Variants in TMEM236 observed in about 807,000 individuals in gnomAD.
TMEM236 encodes family with sequence similarity 23, member A.
Under a neutral mutation model 14.7 loss-of-function variants are expected in TMEM236, and 11 were observed. That is an observed-to-expected ratio of 0.75 (90% confidence interval 0.47 to 1.24). TMEM236 has a LOEUF of 1.24. Among genes scored for constraint, TMEM236 ranks in the 50% most tolerant of loss-of-function variants. TMEM236 has a pLI of 0.00. For missense variants in TMEM236, 464 were observed against 427.3 expected, an observed-to-expected ratio of 1.09 and a Z score of -0.76; for synonymous variants, 182 against 168.6, an observed-to-expected ratio of 1.08 and a Z score of -0.62.
In TMEM236 at chr10:17,798,806, C is replaced by T; in HGVS notation, c.*2302C>T. ...TTAGGAGGGTTAAAGGGTAAAGAGT[C>T]CTTTGAGCACATTTTCTGGCAAACC... On this transcript the variant is annotated 3_prime_UTR_variant, in exon 4 of 4. Transcript: ENST00000377495. The T allele has an allele frequency of 2.4e-6, 1 of 417,438 alleles. No homozygotes were observed. Among genetic ancestry groups the T allele is most frequent in the South Asian group, 1.8e-5 (1 of 55,086 alleles). 25.9% of individuals were successfully genotyped at this position (417,438 alleles called of 1,614,324 possible). A position where few individuals can be genotyped will look rare whatever the true frequency, so the allele number is the denominator to read the frequency against.
At chr10:17,769,577 T>A (rs1205841889) in intron 1 of TMEM236, among the ~76,000 whole-genome samples, 5 of 152,190 alleles carry the variant, frequency 3.3e-5, no homozygotes, top group African/African-American at 1.2e-4. Flanking sequence ...AAGAGAACTT[T>A]ATGAGTGGCT....
In TMEM236 at chr10:17,768,987, G is replaced by T. The variant is rs1837523824; in HGVS notation, c.258-2322G>T. ...TGGCATTAAGTACATTTACATTGTT[G>T]TGTGACTGTTGCCACCATCCATCCA... is the stretch of plus-strand genomic sequence containing the variant. On this transcript the variant is annotated intron_variant, in intron 1 of 3. Transcript: ENST00000377495. Among the ~76,000 whole-genome samples, 5 of 152,032 alleles carry T rather than the reference G, an allele frequency of 3.3e-5. No homozygotes were observed. In the South Asian group the frequency reaches 1.0e-3, roughly 32 times the overall value.
intron 3 of TMEM236, among the ~76,000 whole-genome samples, chr10:17,794,147 C>G (rs1298794282): frequency 6.6e-6 from 1 of 152,170 alleles, no homozygotes; most frequent in Non-Finnish European, 1.5e-5. Flanking sequence ...TTTAAACAAA[C>G]TCCTACTTAC....
chr10:17,780,669 G>A (rs1837731172), intron 3 of TMEM236, among the ~76,000 whole-genome samples: 1 of 152,172 alleles, frequency 6.6e-6, no homozygotes, highest in Admixed American at 6.5e-5. Flanking sequence ...TGTTTGGGAA[G>A]TGAAAATGAA....
intron 1 of TMEM236, among the ~76,000 whole-genome samples, chr10:17,764,310 C>G (rs1422178490): frequency 6.6e-6 from 1 of 152,034 alleles, no homozygotes; most frequent in Admixed American, 6.6e-5. Flanking sequence ...CTAGGAGGGT[C>G]CCTCTCATTG....
chr10:17,766,446 A>G (rs1422398190), intron 1 of TMEM236, among the ~76,000 whole-genome samples: 3 of 152,180 alleles, frequency 2.0e-5, no homozygotes, highest in African/African-American at 7.2e-5. Context: ...ATGACAATGT[A>G]TCTACTCTCT....
chr10:17,766,065 G>C (rs1837457768), intron 1 of TMEM236, among the ~76,000 whole-genome samples: 1 of 152,176 alleles, frequency 6.6e-6, no homozygotes, highest in African/African-American at 2.4e-5. Context: ...GTTCTCTTCT[G>C]AGCATAGTTT....
intron 3 of TMEM236, among the ~76,000 whole-genome samples, chr10:17,792,399 T>G (rs1837940786): frequency 6.6e-6 from 1 of 152,246 alleles, no homozygotes; most frequent in South Asian, 2.1e-4. Context: ...TGTTTTTATT[T>G]AGATAACATA....
At chr10:17,772,510 A>G (rs1203988935) in intron 2 of TMEM236, among the ~76,000 whole-genome samples, 2 of 152,242 alleles carry the variant, frequency 1.3e-5, no homozygotes, top group Non-Finnish European at 2.9e-5. Flanking sequence ...CGGTAAACTG[A>G]TGGCATATCT....
chr10:17,773,130 A>T (rs1488677814), intron 2 of TMEM236, among the ~76,000 whole-genome samples: 8 of 152,182 alleles, frequency 5.3e-5, no homozygotes, highest in Non-Finnish European at 1.2e-4. Context: ...GCGGCAGTGA[A>T]CATCTGTGAA....
chr10:17,795,937 C>G lies in TMEM236; in HGVS notation c.489C>G (p.His163Gln). The G allele has an allele frequency of 1.9e-6, 3 of 1,613,866 alleles. No individual in the cohort carries two copies. Among genetic ancestry groups the G allele is most frequent in the Non-Finnish European group, 2.5e-6 (3 of 1,179,814 alleles). Residue 163 changes from histidine to glutamine, a missense_variant, in exon 4 of 4, where the codon CAC (histidine) becomes CAG (glutamine). Physicochemically the swap from His to Gln is conservative, Grantham distance 24. Coordinates refer to ENST00000377495, the MANE Select transcript of TMEM236 (RefSeq NM_001098844.3). ...RGSQKSSENG[H>Q]IHSTSLQHIK... is the part of the protein sequence containing the mutation. ...TAATTGCAGGTAGTGAAAATGGACA[C>G]ATCCATTCAACCTCTTTGCAACACA...
chr10:17,763,761 A>G (rs982868971), intron 1 of TMEM236, among the ~76,000 whole-genome samples: 2 of 152,178 alleles, frequency 1.3e-5, no homozygotes, highest in Non-Finnish European at 2.9e-5. Context: ...ACTTGCTTAG[A>G]AAGGAGCAGG....
At chr10:17,758,444 TCAAATCCTAG>T (rs1301206728) in intron 1 of TMEM236, among the ~76,000 whole-genome samples, 53 of 152,304 alleles carry the variant, frequency 3.5e-4, no homozygotes, top group African/African-American at 1.3e-3. Flanking sequence ...TGGCCTGGAT[TCAAATCCTAG>T]CCTTGACATT....
intron 3 of TMEM236, among the ~76,000 whole-genome samples, chr10:17,793,267 T>A (rs967717320): frequency 1.3e-5 from 2 of 152,212 alleles, no homozygotes; most frequent in East Asian, 1.9e-4. Context: ...AAAATGTTAA[T>A]GTGTCACTTT....
chr10:17,795,104 G>T (rs1448241048), intron 3 of TMEM236, among the ~76,000 whole-genome samples: 1 of 152,116 alleles, frequency 6.6e-6, no homozygotes, highest in African/African-American at 2.4e-5. Context: ...TCTAGGGTAT[G>T]GTAATCTCTG....
At chr10:17,783,315 G>A (rs1837784980) in intron 3 of TMEM236, among the ~76,000 whole-genome samples, 3 of 152,184 alleles carry the variant, frequency 2.0e-5, no homozygotes, top group Non-Finnish European at 1.5e-5. Flanking sequence ...GTGCGGTGTG[G>A]CAAGAGGGGT....
At chr10:17,768,608 C>T (rs1837514272) in intron 1 of TMEM236, among the ~76,000 whole-genome samples, 1 of 152,102 alleles carries the variant, frequency 6.6e-6, no homozygotes, top group African/African-American at 2.4e-5. Flanking sequence ...GCAAACAAGT[C>T]AGATACGGTC....
rs1051038085 is a variant in TMEM236 at position 17,798,493 on chromosome 10, C to T, written c.*1989C>T. 5.8e-6 allele frequency: 3 copies of T among 518,878 alleles called. No homozygotes were observed. In the African/African-American group the frequency reaches 5.9e-5, roughly 10 times the overall value. The allele number at this position is 518,878 out of a possible 1,614,324, so 32.1% of individuals were successfully genotyped here. The stretch of plus-strand genomic sequence containing the variant: ...GGTCAAGGCTACAGTGAGCTATGAT[C>T]ATGCCACTGCACTCCAGACTGGGCA... On this transcript the variant is annotated 3_prime_UTR_variant, in exon 4 of 4. Coordinates refer to ENST00000377495, the MANE Select transcript of TMEM236 (RefSeq NM_001098844.3).
In TMEM236 at chr10:17,796,595, T is replaced by G; in HGVS notation, c.*91T>G. On this transcript the variant is annotated 3_prime_UTR_variant, in exon 4 of 4. Transcript: ENST00000377495. The stretch of plus-strand genomic sequence containing the variant: ...TTTCTTGGGGCGTAGGTGTTTGCAC[T>G]ATAAAGGAAATGACTAGATTGTAGA... The G allele has an allele frequency of 8.5e-7, 1 of 1,172,844 alleles. No individual in the cohort carries two copies. Among genetic ancestry groups the G allele is most frequent in the Non-Finnish European group, 1.3e-6 (1 of 797,908 alleles). 72.7% of individuals were successfully genotyped at this position (1,172,844 alleles called of 1,614,324 possible).
Sources: gnomAD v4.1 joint callset for allele counts (sites outside exome capture counted in the v4.1 genomes callset) on GRCh38, gnomAD v4.1.1 for gene constraint, MANE v1.5 for transcripts, NCBI Gene and HGNC (gene_info 2026-07-23, HGNC 2026-07-21) for gene names.